NCKAP5: variants seen among roughly 807,000 people sequenced by gnomAD.
NCKAP5 encodes nck-associated protein 5.
In NCKAP5, 92 loss-of-function variants were observed where a neutral mutation model predicts 167.0. The ratio of observed to expected loss-of-function variants is 0.55; its 90% CI spans 0.47 to 0.66. The LOEUF (loss-of-function observed/expected upper bound fraction) is 0.66, where lower values mean the gene tolerates loss of function less well. Among genes scored for constraint, NCKAP5 ranks in the 30% least tolerant of loss-of-function variants. The probability of loss-of-function intolerance (pLI) is 0.00; values close to 1 mark genes in which losing one functional copy is unlikely to be tolerated. For missense variants in NCKAP5, 2,378 were observed against 2,315.0 expected (o/e 1.03, Z -0.56); for synonymous variants, 891 against 877.4 (o/e 1.02, Z -0.27).
chr2:133,541,824 G>T (rs1224317309), intron 2 of NCKAP5, among the ~76,000 whole-genome samples: 1 of 152,060 alleles, frequency 6.6e-6, no homozygotes, highest in Non-Finnish European at 1.5e-5. Flanking sequence ...AGGGCTGGGA[G>T]CTAGGCTGAG....
chr2:133,224,415 C>T (rs1334405606), intron 4 of NCKAP5, among the ~76,000 whole-genome samples: 2 of 152,160 alleles, frequency 1.3e-5, no homozygotes, highest in Admixed American at 6.5e-5. Context: ...AGAAACTAAT[C>T]GCATGTTCCA....
chr2:133,344,138 C>A (rs544401633), intron 3 of NCKAP5, among the ~76,000 whole-genome samples: 2 of 152,012 alleles, frequency 1.3e-5, no homozygotes, highest in South Asian at 2.1e-4. Flanking sequence ...CCAGTCACAG[C>A]GGCTCATGCC....
intron 2 of NCKAP5, among the ~76,000 whole-genome samples, chr2:133,525,038 T>C (rs532640153): frequency 1.3e-5 from 2 of 152,250 alleles, no homozygotes; most frequent in Admixed American, 6.5e-5. Flanking sequence ...CACAGAAAAG[T>C]GTTGTGTCCA....
At chr2:132,678,622 GCACTGCAT>G (rs1297688728) in intron 19 of NCKAP5, among the ~76,000 whole-genome samples, 2 of 152,172 alleles carry the variant, frequency 1.3e-5, no homozygotes, top group African/African-American at 4.8e-5. Context: ...TGGGTTGAAT[GCACTGCAT>G]GAAATACCTC....
At chr2:133,345,981 C>G (rs1360921350) in intron 3 of NCKAP5, among the ~76,000 whole-genome samples, 2 of 152,144 alleles carry the variant, frequency 1.3e-5, no homozygotes, top group African/African-American at 4.8e-5. Flanking sequence ...CAGCAAGAAG[C>G]AGCAGCAGGA....
chr2:132,903,687 ATAATGTCT>A (rs879460426), intron 8 of NCKAP5, among the ~76,000 whole-genome samples: 1,571 of 152,320 alleles, frequency 0.01, 11 homozygotes, highest in Non-Finnish European at 0.013. Flanking sequence ...AGATAAGCAA[ATAATGTCT>A]ATCTTTTGGA....
intron 11 of NCKAP5, among the ~76,000 whole-genome samples, chr2:132,814,967 A>T (rs1292320082): frequency 1.3e-5 from 2 of 152,218 alleles, no homozygotes; most frequent in Non-Finnish European, 2.9e-5. Flanking sequence ...CCCAGAAGGA[A>T]GGTAAAGAGA....
At chr2:133,652,280 T>C in the NCKAP5 span, among the ~76,000 whole-genome samples, 1 of 152,192 alleles carries the variant, frequency 6.6e-6, no homozygotes, top group East Asian at 1.9e-4. Flanking sequence ...TTATTAAATA[T>C]AGCAAGTGAT....
intron 4 of NCKAP5, among the ~76,000 whole-genome samples, chr2:133,239,574 A>T (rs2150291034): frequency 6.6e-6 from 1 of 152,278 alleles, no homozygotes; most frequent in East Asian, 1.9e-4. Flanking sequence ...TACCAGCTAG[A>T]TTCTGATTTT....
intron 2 of NCKAP5, among the ~76,000 whole-genome samples, chr2:133,518,979 T>C (rs1284508852): frequency 6.6e-6 from 1 of 152,190 alleles, no homozygotes; most frequent in Non-Finnish European, 1.5e-5. Context: ...TGAAATACAA[T>C]GCTATACCAA....
chr2:133,158,518 TGGACACATAAATAA>T (rs954664108), intron 5 of NCKAP5, among the ~76,000 whole-genome samples: 6 of 152,158 alleles, frequency 3.9e-5, no homozygotes, highest in African/African-American at 1.4e-4. Flanking sequence ...GATTTTGTGT[TGGACACATAAATAA>T]GGGGCTACCT....
intron 6 of NCKAP5, among the ~76,000 whole-genome samples, chr2:133,121,076 T>C (rs1422092128): frequency 6.6e-6 from 1 of 152,138 alleles, no homozygotes; most frequent in Non-Finnish European, 1.5e-5. Context: ...TTTAGATCAC[T>C]ATTAGGAGCA....
intron 11 of NCKAP5, among the ~76,000 whole-genome samples, chr2:132,800,712 A>G (rs1050644403): frequency 6.6e-6 from 1 of 152,046 alleles, no homozygotes. Flanking sequence ...CCCTCCCTGT[A>G]AAGTCATCTA....
intron 7 of NCKAP5, among the ~76,000 whole-genome samples, chr2:132,975,341 A>G (rs2076948704): frequency 6.6e-6 from 1 of 152,208 alleles, no homozygotes; most frequent in Non-Finnish European, 1.5e-5. Context: ...TGAACCCACG[A>G]CCACTGACAT....
At chr2:133,405,457 G>T (rs140697113) in intron 3 of NCKAP5, among the ~76,000 whole-genome samples, 8 of 152,262 alleles carry the variant, frequency 5.3e-5, no homozygotes, top group African/African-American at 1.9e-4. Context: ...GAAAAATGCA[G>T]TACTAAGCAG....
At chr2:133,178,271 G>A (rs954625958) in intron 5 of NCKAP5, among the ~76,000 whole-genome samples, 1 of 152,030 alleles carries the variant, frequency 6.6e-6, no homozygotes, top group African/African-American at 2.4e-5. Flanking sequence ...GGCCGAGCAG[G>A]TGGATCCCAT....
chr2:132,725,631 GGCAGC>G lies in NCKAP5; in HGVS notation c.5704_5708del (p.Ala1902ProfsTer4). On this transcript the variant is annotated frameshift_variant, in exon 19 of 20. Coordinates refer to ENST00000409261, the MANE Select transcript of NCKAP5 (RefSeq NM_207363.3). LOFTEE classifies it high-confidence loss of function. ...AGCAAGTTCGCTGGTTGTTACCTGG[GGCAGC>G]GCTCTTCAGTGCTTTCACTAACTGT... The G allele has an allele frequency of 1.9e-6, 3 of 1,609,012 alleles. No individual in the cohort carries two copies. The highest frequency in any genetic ancestry group is 2.5e-6 in the Non-Finnish European group (3 of 1,178,066).
At position 133,183,685 on chromosome 2, in the gene NCKAP5, C is replaced by T. The variant is rs146281907; in HGVS notation, c.207+30031G>A. ...AATAATGAGAACAAGGTTAGACTGT[C>T]CACTTTCACTAATTTTGTTCAACAT... On this transcript the variant is annotated intron_variant, in intron 5 of 19. Transcript: ENST00000409261. Among the ~76,000 whole-genome samples, 295 of 152,260 alleles carry T rather than the reference C, an allele frequency of 1.9e-3. 3 individuals are homozygous for T. The highest frequency in any genetic ancestry group is 6.8e-3 in the Middle Eastern group (2 of 294).
chr2:133,546,081 C>A (rs1686639507), intron 2 of NCKAP5, among the ~76,000 whole-genome samples: 1 of 151,994 alleles, frequency 6.6e-6, no homozygotes, highest in Non-Finnish European at 1.5e-5. Context: ...TATGCACACA[C>A]ACACCCCCCA....
Sources: allele counts gnomAD v4.1 joint callset (sites outside exome capture counted in the v4.1 genomes callset), GRCh38; gene constraint gnomAD v4.1.1; transcripts MANE v1.5; gene names NCBI Gene and HGNC (gene_info 2026-07-23, HGNC 2026-07-21).